The following EXT1 variants were observed in gnomAD, a reference collection of about 807,000 sequenced individuals.
EXT1 encodes exostosin-1.
In EXT1, 20 loss-of-function variants were observed where a neutral mutation model predicts 82.5. The observed-to-expected ratio is 0.24, with a 90% CI of 0.17 to 0.35. The LOEUF is 0.35. EXT1 is among the 10% of genes least tolerant of loss of function. EXT1 has a pLI of 1.00. For missense variants in EXT1, 757 were observed against 936.5 expected (o/e 0.81, Z 2.50); for synonymous variants, 348 against 350.8 (o/e 0.99, Z 0.09).
intron 1 of EXT1, among the ~76,000 whole-genome samples, chr8:117,960,144 G>A (rs1035605461): frequency 1.3e-5 from 2 of 152,180 alleles, no homozygotes; most frequent in African/African-American, 4.8e-5. Flanking sequence ...CTGGGAAGCA[G>A]AGGTTGCAGT....
At chr8:118,087,726 TG>T (rs1436400052) in intron 1 of EXT1, among the ~76,000 whole-genome samples, 1 of 152,156 alleles carries the variant, frequency 6.6e-6, no homozygotes, top group East Asian at 1.9e-4. Flanking sequence ...TGCATGTAAT[TG>T]GGAAGCATTT....
At chr8:117,986,971 C>T (rs1468522750) in intron 1 of EXT1, among the ~76,000 whole-genome samples, 6 of 152,132 alleles carry the variant, frequency 3.9e-5, no homozygotes, top group Admixed American at 3.3e-4. Context: ...AAATTTGAGC[C>T]AGTGTAGGGC....
At chr8:118,059,176 C>T (rs2129939169) in intron 1 of EXT1, among the ~76,000 whole-genome samples, 1 of 152,328 alleles carries the variant, frequency 6.6e-6, no homozygotes, top group South Asian at 2.1e-4. Flanking sequence ...CAGGTACAAG[C>T]CTTTTAGGGC....
At chr8:118,100,563 C>T (rs922430285) in intron 1 of EXT1, among the ~76,000 whole-genome samples, 21 of 152,186 alleles carry the variant, frequency 1.4e-4, no homozygotes, top group African/African-American at 4.3e-4. Flanking sequence ...TCCTGGCTAA[C>T]ACGGTGAAAC....
chr8:117,921,381 A>T (rs926028959), intron 1 of EXT1, among the ~76,000 whole-genome samples: 1 of 152,254 alleles, frequency 6.6e-6, no homozygotes, highest in Non-Finnish European at 1.5e-5. Flanking sequence ...CATCAAAGAC[A>T]GAAAACAGCA....
intron 1 of EXT1, among the ~76,000 whole-genome samples, chr8:117,999,839 C>A (rs562731117): frequency 6.4e-4 from 97 of 152,136 alleles, no homozygotes; most frequent in Non-Finnish European, 1.3e-3. Context: ...TTAGGAAAAT[C>A]ATTTTATTTT....
At chr8:117,831,546 T>C (rs747824295) in intron 3 of EXT1, 17 of 470,800 alleles carry the variant, frequency 3.6e-5, no homozygotes, top group African/African-American at 1.0e-4. Context: ...TTACGGAGTC[T>C]ATAGTCTTTA....
At chr8:118,041,947 CAGAA>C (rs1563637933) in intron 1 of EXT1, among the ~76,000 whole-genome samples, 6 of 81,974 alleles carry the variant, frequency 7.3e-5, no homozygotes, top group Admixed American at 1.6e-4. Context: ...GACTCTGCCT[CAGAA>C]AAAAAAAAAA....
At chr8:117,885,424 C>T (rs12543508) in intron 1 of EXT1, among the ~76,000 whole-genome samples, 18,374 of 149,506 alleles carry the variant, frequency 0.12, 1,175 homozygotes, top group South Asian at 0.18. Flanking sequence ...CAATATTAAC[C>T]GTACTGGCAG....
chr8:118,100,516 G>C (rs868651465), intron 1 of EXT1, among the ~76,000 whole-genome samples: 1 of 152,096 alleles, frequency 6.6e-6, no homozygotes, highest in East Asian at 1.9e-4. Flanking sequence ...TTGGGAGGCC[G>C]AGGCAGGTGG....
At position 117,988,006 on chromosome 8, in the gene EXT1, T is replaced by C. The variant is rs1234239625; in HGVS notation, c.962+122079A>G. 7.9e-5 allele frequency among the ~76,000 whole-genome samples: 12 copies of C among 152,204 alleles called. No homozygotes were observed. In the South Asian group the frequency reaches 2.3e-3, roughly 29 times the overall value. Reference sequence around the variant, plus strand: ...AGGAGACTGAAGTGGGAGGATCACCTGAGCCTGGAAAGTTGAGGCTGTGGT... The same window carrying C: ...AGGAGACTGAAGTGGGAGGATCACCCGAGCCTGGAAAGTTGAGGCTGTGGT... On this transcript the variant is annotated intron_variant, in intron 1 of 10. Transcript: ENST00000378204.
chr8:117,875,653 C>T (rs1812956026), intron 1 of EXT1, among the ~76,000 whole-genome samples: 1 of 151,984 alleles, frequency 6.6e-6, no homozygotes, highest in African/African-American at 2.4e-5. Context: ...GTTAGATTTC[C>T]ACGGTATTCA....
intron 1 of EXT1, among the ~76,000 whole-genome samples, chr8:117,998,868 C>T (rs571496833): frequency 6.6e-6 from 1 of 152,118 alleles, no homozygotes; most frequent in African/African-American, 2.4e-5. Flanking sequence ...TACTCCCTAA[C>T]TGAGTAACCT....
chr8:117,871,197 A>G (rs1371062600), intron 1 of EXT1, among the ~76,000 whole-genome samples: 1 of 152,244 alleles, frequency 6.6e-6, no homozygotes, highest in African/African-American at 2.4e-5. Context: ...TAATCAAGGA[A>G]AAAATCAACC....
chr8:117,867,215 C>T (rs28457164), intron 1 of EXT1, among the ~76,000 whole-genome samples: 4,952 of 146,690 alleles, frequency 0.034, 296 homozygotes, highest in African/African-American at 0.12. Flanking sequence ...GCCGAGATTG[C>T]ACCACTGTAC....
chr8:117,801,288 T>C (rs1823162954), intron 10 of EXT1, among the ~76,000 whole-genome samples: 1 of 152,222 alleles, frequency 6.6e-6, no homozygotes, highest in Admixed American at 6.5e-5. Context: ...CCCCATTTTA[T>C]AGCTGAGGAA....
chr8:118,106,318 G>C (rs1399550587), intron 1 of EXT1, among the ~76,000 whole-genome samples: 1 of 152,198 alleles, frequency 6.6e-6, no homozygotes, highest in Non-Finnish European at 1.5e-5. Context: ...AGAAATGAAA[G>C]ACTGCAGATC....
chr8:117,887,487 G>A (rs2129934361), intron 1 of EXT1, among the ~76,000 whole-genome samples: 2 of 152,246 alleles, frequency 1.3e-5, no homozygotes, highest in Middle Eastern at 6.8e-3. Context: ...GAGTAGCTGG[G>A]ACTACAGGTG....
intron 1 of EXT1, among the ~76,000 whole-genome samples, chr8:117,991,672 C>T (rs913663935): frequency 3.9e-5 from 6 of 152,136 alleles, no homozygotes; most frequent in Non-Finnish European, 8.8e-5. Context: ...AGTGATTCTC[C>T]GGCCTCAGCC....
Sources: allele counts gnomAD v4.1 joint callset (sites outside exome capture counted in the v4.1 genomes callset), GRCh38; gene constraint gnomAD v4.1.1; transcripts MANE v1.5; gene names NCBI Gene and HGNC (gene_info 2026-07-23, HGNC 2026-07-21).